Variants in GRM7 observed in about 807,000 individuals in gnomAD.
GRM7 encodes glutamate metabotropic receptor 7, also known as metabotropic glutamate receptor 7.
A neutral mutation model predicts 84.5 loss-of-function variants in GRM7; 35 were observed. That is an observed-to-expected ratio of 0.41 (90% CI 0.32 to 0.55). GRM7 has a LOEUF of 0.55. Ranked by LOEUF, GRM7 falls within the 20% of genes least tolerant of loss-of-function variation. The probability of loss-of-function intolerance (pLI) is 0.19; values close to 1 mark genes in which losing one functional copy is unlikely to be tolerated. For synonymous variants in GRM7, 487 were observed against 455.1 expected, an observed-to-expected ratio of 1.07 and a Z score of -0.89; for missense variants, 1,003 against 1,194.6, an observed-to-expected ratio of 0.84 and a Z score of 2.36.
chr3:6,925,910 A>G (rs1362863651), intron 1 of GRM7, among the ~76,000 whole-genome samples: 1 of 152,076 alleles, frequency 6.6e-6, no homozygotes, highest in Non-Finnish European at 1.5e-5. Flanking sequence ...TGTTTTTCCT[A>G]TAAATCATGT....
intron 1 of GRM7, among the ~76,000 whole-genome samples, chr3:6,948,412 C>G (rs961928783): frequency 6.6e-6 from 1 of 152,146 alleles, no homozygotes; most frequent in Non-Finnish European, 1.5e-5. Context: ...GCACTGTGGT[C>G]TGAGAGACAG....
chr3:7,329,398 A>G (rs1701110765), intron 4 of GRM7, among the ~76,000 whole-genome samples: 1 of 152,164 alleles, frequency 6.6e-6, no homozygotes, highest in Non-Finnish European at 1.5e-5. Flanking sequence ...CTTGGTCCAC[A>G]ATGAGCAAGA....
At chr3:6,900,043 A>T (rs991011918) in intron 1 of GRM7, among the ~76,000 whole-genome samples, 1 of 152,220 alleles carries the variant, frequency 6.6e-6, no homozygotes, top group Non-Finnish European at 1.5e-5. Context: ...TATAACAGCT[A>T]ATTCAAGAAT....
At chr3:7,626,999 G>A (rs1031309233) in intron 8 of GRM7, among the ~76,000 whole-genome samples, 1 of 151,446 alleles carries the variant, frequency 6.6e-6, no homozygotes, top group Non-Finnish European at 1.5e-5. Flanking sequence ...CCTTAAAAGG[G>A]CTGATGGTTG....
At chr3:7,550,879 C>G (rs1559397035) in intron 7 of GRM7, among the ~76,000 whole-genome samples, 1 of 152,070 alleles carries the variant, frequency 6.6e-6, no homozygotes, top group Non-Finnish European at 1.5e-5. Context: ...TCTTTAATTT[C>G]TCTAAGCCCC....
chr3:7,525,711 C>T (rs995100300), intron 7 of GRM7, among the ~76,000 whole-genome samples: 4 of 152,038 alleles, frequency 2.6e-5, no homozygotes, highest in Non-Finnish European at 5.9e-5. Flanking sequence ...TCCTCTCGTC[C>T]TCCCCACTTT....
At chr3:7,166,457 A>G (rs1694800780) in intron 2 of GRM7, among the ~76,000 whole-genome samples, 1 of 151,758 alleles carries the variant, frequency 6.6e-6, no homozygotes, top group Non-Finnish European at 1.5e-5. Context: ...AAAAGGAGAT[A>G]CTCTTTCTGA....
intron 8 of GRM7, among the ~76,000 whole-genome samples, chr3:7,628,597 G>C (rs2125094274): frequency 6.6e-6 from 1 of 152,254 alleles, no homozygotes; most frequent in Non-Finnish European, 1.5e-5. Context: ...ATTTGGGCCA[G>C]AAATCCCTAA....
chr3:7,178,446 T>C (rs576202688), intron 2 of GRM7, among the ~76,000 whole-genome samples: 2 of 152,252 alleles, frequency 1.3e-5, no homozygotes, highest in African/African-American at 4.8e-5. Flanking sequence ...TTGGCATCCA[T>C]GTAGATCCCT....
Position 7,075,772 on chromosome 3 carries a change from C to T in GRM7, c.520-70680C>T, listed in dbSNP as rs1456939270. 3.9e-5 allele frequency among the ~76,000 whole-genome samples: 6 copies of T among 151,996 alleles called. No individual in the cohort carries two copies. In the East Asian group the frequency reaches 5.8e-4, roughly 15 times the overall value. On this transcript the variant is annotated intron_variant, in intron 1 of 9. Transcript: ENST00000357716. ...AACTCCTGACCTCAGGTGATCTGCCCGCCTCAGCCTGCCAAAGTGCTGGGA... is the reference window on the plus strand; with the variant it reads ...AACTCCTGACCTCAGGTGATCTGCCTGCCTCAGCCTGCCAAAGTGCTGGGA...
intron 1 of GRM7, among the ~76,000 whole-genome samples, chr3:7,120,365 C>T (rs1288865963): frequency 6.6e-6 from 1 of 151,946 alleles, no homozygotes; most frequent in Non-Finnish European, 1.5e-5. Flanking sequence ...GAGTGAGAAG[C>T]TGGAAAAATT....
At chr3:7,349,818 A>G (rs1693055626) in intron 4 of GRM7, among the ~76,000 whole-genome samples, 2 of 152,164 alleles carry the variant, frequency 1.3e-5, no homozygotes, top group Non-Finnish European at 2.9e-5. Context: ...TTAAACTACT[A>G]ATTATTCCAT....
At chr3:7,649,579 G>A (rs1427273190) in intron 8 of GRM7, among the ~76,000 whole-genome samples, 1 of 152,080 alleles carries the variant, frequency 6.6e-6, no homozygotes, top group Admixed American at 6.6e-5. Context: ...AATAACACTG[G>A]TATATATGAC....
At chr3:7,557,911 A>G (rs1048350572) in intron 7 of GRM7, among the ~76,000 whole-genome samples, 1 of 152,258 alleles carries the variant, frequency 6.6e-6, no homozygotes, top group South Asian at 2.1e-4. Context: ...TCAATATTAA[A>G]TCACTGATGT....
Position 7,359,220 on chromosome 3 carries a change from T to TTGTGTGTGTGTGTG in GRM7, c.1033+52590_1033+52603dup, listed in dbSNP as rs34535570. Among the ~76,000 whole-genome samples the TTGTGTGTGTGTGTG allele has an allele frequency of 5.4e-3, 714 of 133,228 alleles. 52 individuals are homozygous for TTGTGTGTGTGTGTG. The highest frequency in any genetic ancestry group is 0.022 in the Middle Eastern group (6 of 272). 87.4% of individuals were successfully genotyped at this position (133,228 alleles called of 152,430 possible). On this transcript the variant is annotated intron_variant, in intron 4 of 9. Coordinates refer to ENST00000357716, the MANE Select transcript of GRM7 (RefSeq NM_000844.4). ...TTACCATTTGGTAGGGTGTTTGTGT[T>TTGTGTGTGTGTGTG]TGTGTGTGTGTGTGTGTGTGTGTGT...
chr3:7,738,026 T>C (rs1458240244), intron 9 of GRM7, among the ~76,000 whole-genome samples: 2 of 151,956 alleles, frequency 1.3e-5, no homozygotes, highest in Non-Finnish European at 2.9e-5. Context: ...TTTATGTATA[T>C]TTAGTAGAGA....
At chr3:7,054,680 A>T (rs765971918) in intron 1 of GRM7, among the ~76,000 whole-genome samples, 9 of 151,898 alleles carry the variant, frequency 5.9e-5, no homozygotes, top group Non-Finnish European at 1.0e-4. Context: ...TTCTGCATAT[A>T]TGGAATTGAT....
intron 1 of GRM7, among the ~76,000 whole-genome samples, chr3:7,113,637 A>G (rs189668671): frequency 2.0e-5 from 3 of 152,196 alleles, no homozygotes; most frequent in Middle Eastern, 3.4e-3. Flanking sequence ...GGACAAATTT[A>G]TATTTGCAGT....
chr3:6,960,274 T>G (rs13321431), intron 1 of GRM7, among the ~76,000 whole-genome samples: 55,945 of 151,744 alleles, frequency 0.37, 10,312 homozygotes, highest in East Asian at 0.54. Context: ...TTTAAGAAAT[T>G]TGCAAAGAAT....
Sources: allele counts gnomAD v4.1 joint callset (sites outside exome capture counted in the v4.1 genomes callset), GRCh38; gene constraint gnomAD v4.1.1; transcripts MANE v1.5; gene names NCBI Gene and HGNC (gene_info 2026-07-23, HGNC 2026-07-21).